ZSCAN25: variants seen among roughly 807,000 people sequenced by gnomAD.
The protein encoded by ZSCAN25 is zinc finger and SCAN domain-containing protein 25.
A neutral mutation model predicts 38.7 loss-of-function variants in ZSCAN25; 27 were observed. That is an observed-to-expected ratio of 0.70 (90% confidence interval 0.51 to 0.96). The LOEUF (loss-of-function observed/expected upper bound fraction) is 0.96, where lower values mean the gene tolerates loss of function less well. ZSCAN25 is among the 40% of genes least tolerant of loss of function. ZSCAN25 has a pLI of 0.00. For synonymous variants in ZSCAN25, 273 were observed against 277.7 expected, an observed-to-expected ratio of 0.98 and a Z score of 0.17; for missense variants, 637 against 705.9, an observed-to-expected ratio of 0.90 and a Z score of 1.11.
the ZSCAN25 span, among the ~76,000 whole-genome samples, chr7:99,732,704 A>G: frequency 1.3e-5 from 2 of 152,184 alleles, no homozygotes; most frequent in Non-Finnish European, 2.9e-5. Flanking sequence ...TCAACCATGA[A>G]TCTGCTAGTC....
the ZSCAN25 span, among the ~76,000 whole-genome samples, chr7:99,662,304 T>C: frequency 6.6e-6 from 1 of 152,182 alleles, no homozygotes; most frequent in Non-Finnish European, 1.5e-5. This position sits in a 1 kb window ranked among gnomAD's most constrained non-coding sequence, Gnocchi z 4.3. Context: ...ATAAAACTAG[T>C]AGATACAAGA....
the ZSCAN25 span, among the ~76,000 whole-genome samples, chr7:99,733,493 T>A: frequency 6.6e-6 from 1 of 152,208 alleles, no homozygotes; most frequent in Non-Finnish European, 1.5e-5. Flanking sequence ...AAGGGCATGG[T>A]CTACACTATA....
At chr7:99,645,259 GA>G in the ZSCAN25 span, among the ~76,000 whole-genome samples, 1 of 152,174 alleles carries the variant, frequency 6.6e-6, no homozygotes, top group Admixed American at 6.5e-5. Context: ...AAAGTGCTGG[GA>G]TTACAGGCGT....
the ZSCAN25 span, among the ~76,000 whole-genome samples, chr7:99,735,476 C>CT: frequency 1.3e-5 from 2 of 152,188 alleles, no homozygotes; most frequent in African/African-American, 4.8e-5. Context: ...TATTAACTCT[C>CT]CTCTTGTCTC....
At chr7:99,695,605 A>G in the ZSCAN25 span, 2 of 713,154 alleles carry the variant, frequency 2.8e-6, no homozygotes, top group Non-Finnish European at 4.6e-6. Context: ...AAACCTTGCC[A>G]TGCTCTGGAT....
downstream of ZSCAN25, among the ~76,000 whole-genome samples, chr7:99,635,255 G>A (rs563184085): frequency 3.3e-5 from 5 of 151,472 alleles, no homozygotes; most frequent in East Asian, 9.7e-4. Flanking sequence ...GTACTTTTTA[G>A]TTTGGGGCGA....
At chr7:99,639,611 T>G in the ZSCAN25 span, among the ~76,000 whole-genome samples, 1 of 152,192 alleles carries the variant, frequency 6.6e-6, no homozygotes, top group Middle Eastern at 3.2e-3. Flanking sequence ...AATTACAGGC[T>G]CTTTACTCCA....
the ZSCAN25 span, chr7:99,674,550 C>T: frequency 8.6e-5 from 138 of 1,613,624 alleles, 1 homozygote; most frequent in Non-Finnish European, 8.7e-5. Flanking sequence ...TTTTTCCATA[C>T]TTTTTATAGC....
At chr7:99,648,512 A>G in the ZSCAN25 span, 1 of 700,442 alleles carries the variant, frequency 1.4e-6, no homozygotes, top group South Asian at 1.9e-5. Context: ...TATAAAAACG[A>G]CTCTTAACAC....
Position 99,624,179 on chromosome 7 carries a change from A to T in ZSCAN25, c.804A>T (p.Pro268=), listed in dbSNP as rs1298440677. ...AACCGCAGGACTGCAGGGTCTCTCC[A>T]GGTAAGACTGTCTCCACCCACAGGT... ...YVEPQDCRVS[P]GGGSKEKEAK... is the part of the protein sequence containing the mutation. The change falls in exon 7 of 8, where the codon CCA becomes CCT. Residue 268 remains proline, a splice_region_variant and synonymous_variant. Transcript: ENST00000394152. 1 of 1,613,504 alleles carries T rather than the reference A, an allele frequency of 6.2e-7. No homozygotes were observed.
At chr7:99,667,684 A>G in the ZSCAN25 span, among the ~76,000 whole-genome samples, 1 of 152,374 alleles carries the variant, frequency 6.6e-6, no homozygotes, top group African/African-American at 2.4e-5. Context: ...TCAAGCCAGC[A>G]TGCTTGGAAC....
chr7:99,641,977 C>G, the ZSCAN25 span, among the ~76,000 whole-genome samples: 3 of 152,190 alleles, frequency 2.0e-5, no homozygotes, highest in African/African-American at 7.2e-5. Context: ...AAAGGTTTCT[C>G]CTCTCAGAAT....
the ZSCAN25 span, among the ~76,000 whole-genome samples, chr7:99,717,990 A>T: frequency 6.6e-6 from 1 of 152,150 alleles, no homozygotes; most frequent in South Asian, 2.1e-4. Flanking sequence ...GCCTCAGACG[A>T]GCTCTGTCTT....
At chr7:99,666,534 G>A in the ZSCAN25 span, 9 of 1,524,114 alleles carry the variant, frequency 5.9e-6, no homozygotes, top group Admixed American at 1.7e-5. Context: ...TGCGACTGTC[G>A]ACTCCATGGC....
the ZSCAN25 span, among the ~76,000 whole-genome samples, chr7:99,640,311 G>A: frequency 1.3e-5 from 2 of 151,990 alleles, no homozygotes; most frequent in African/African-American, 2.4e-5. Flanking sequence ...GGCGCCTGCC[G>A]TAGCCTGGCT....
At chr7:99,623,295 G>A (rs772156760) in intron 6 of ZSCAN25, among the ~76,000 whole-genome samples, 7 of 152,236 alleles carry the variant, frequency 4.6e-5, no homozygotes, top group Non-Finnish European at 5.9e-5. Context: ...GGGGCTTTCA[G>A]AAGCATTGAG....
intron 4 of ZSCAN25, chr7:99,620,838 C>T (rs534755990): frequency 6.6e-6 from 1 of 152,420 alleles, no homozygotes; most frequent in South Asian, 2.1e-4. Flanking sequence ...CTTACTGCAG[C>T]CTTGAGCTCC....
chr7:99,657,417 T>A, the ZSCAN25 span, among the ~76,000 whole-genome samples: 9 of 152,332 alleles, frequency 5.9e-5, no homozygotes, highest in African/African-American at 2.2e-4. Flanking sequence ...GAATCCTGAG[T>A]TCTAGTTTGA....
downstream of ZSCAN25, among the ~76,000 whole-genome samples, chr7:99,635,700 C>CA (rs1808248097): frequency 2.0e-5 from 3 of 152,098 alleles, no homozygotes; most frequent in South Asian, 6.2e-4. Context: ...TTTTAAGACA[C>CA]AAAAAAGTGG....
Sources: gnomAD v4.1 joint callset for allele counts (sites outside exome capture counted in the v4.1 genomes callset) on GRCh38, gnomAD v4.1.1 for gene constraint, Gnocchi (gnomAD v3.1) non-coding constraint, MANE v1.5 for transcripts, NCBI Gene and HGNC (gene_info 2026-07-23, HGNC 2026-07-21) for gene names.